Variants in C10orf90 observed in about 807,000 individuals in gnomAD.
The protein encoded by C10orf90 is chromosome 10 open reading frame 90, also known as (E2-independent) E3 ubiquitin-conjugating enzyme FATS.
C10orf90 carries 56 observed loss-of-function variants against 62.5 expected under a neutral mutation model. The ratio of observed to expected loss-of-function variants is 0.90; its 90% confidence interval spans 0.72 to 1.12. The LOEUF (loss-of-function observed/expected upper bound fraction) is 1.12, where lower values mean the gene tolerates loss of function less well. C10orf90 is among the 50% of genes most tolerant of loss of function. The pLI is 0.00. For missense variants in C10orf90, 970 were observed against 880.4 expected (o/e 1.10, Z -1.29); for synonymous variants, 386 against 340.4 (o/e 1.13, Z -1.47).
intron 2 of C10orf90, among the ~76,000 whole-genome samples, chr10:126,622,382 G>GA (rs1378452944): frequency 6.6e-6 from 1 of 152,124 alleles, no homozygotes; most frequent in Non-Finnish European, 1.5e-5. Context: ...CTGTGACCCA[G>GA]AAAAAAGCCT....
Position 126,530,489 on chromosome 10 carries a change from C to T in C10orf90, c.314-16550G>A, listed in dbSNP as rs149603170. Among the ~76,000 whole-genome samples, 1,250 of 151,202 alleles carry T rather than the reference C, an allele frequency of 8.3e-3. 11 individuals are homozygous for T. Among genetic ancestry groups the T allele is most frequent in the Non-Finnish European group, 0.013 (873 of 67,776 alleles). ...TAAATTCAACTTAGAAAAAAATATA[C>T]AAATTGCTTGAAAAAAAATACCTTA... On this transcript the variant is annotated intron_variant, in intron 2 of 9. Coordinates refer to ENST00000488181, the MANE Select transcript of C10orf90 (RefSeq NM_001350921.2).
chr10:126,528,259 T>G (rs1452406078), intron 2 of C10orf90, among the ~76,000 whole-genome samples: 1 of 152,110 alleles, frequency 6.6e-6, no homozygotes, highest in Non-Finnish European at 1.5e-5. Context: ...ATTTAGCATT[T>G]CCAGATATCT....
chr10:126,495,397 T>G (rs1446291785), intron 4 of C10orf90, among the ~76,000 whole-genome samples: 1 of 152,204 alleles, frequency 6.6e-6, no homozygotes, highest in Admixed American at 6.5e-5. Context: ...CACTCTCTGA[T>G]AAAACCCTTG....
At chr10:126,584,752 A>C (rs1445758689) in intron 2 of C10orf90, among the ~76,000 whole-genome samples, 8 of 152,040 alleles carry the variant, frequency 5.3e-5, no homozygotes, top group African/African-American at 1.9e-4. Context: ...TTGAGATACT[A>C]TCTCTCTTTA....
chr10:126,489,318 A>G (rs1159291594), intron 4 of C10orf90, among the ~76,000 whole-genome samples: 1 of 152,172 alleles, frequency 6.6e-6, no homozygotes, highest in Non-Finnish European at 1.5e-5. Flanking sequence ...TCAGTATTCA[A>G]CACCAATGCA....
chr10:126,590,581 A>C (rs923901132), intron 2 of C10orf90, among the ~76,000 whole-genome samples: 1 of 152,210 alleles, frequency 6.6e-6, no homozygotes, highest in Admixed American at 6.5e-5. Flanking sequence ...GTGCTCCTGA[A>C]TGACTGCTGG....
chr10:126,628,753 C>G (rs111539742), intron 2 of C10orf90, among the ~76,000 whole-genome samples: 1 of 152,228 alleles, frequency 6.6e-6, no homozygotes, highest in Admixed American at 6.5e-5. Context: ...CACTTGCCTG[C>G]CTGTCCTGTA....
chr10:126,541,284 T>C (rs1467315645), intron 2 of C10orf90, among the ~76,000 whole-genome samples: 2 of 152,098 alleles, frequency 1.3e-5, no homozygotes, highest in African/African-American at 4.8e-5. Flanking sequence ...TACAATGGGA[T>C]AATATATACT....
intron 7 of C10orf90, among the ~76,000 whole-genome samples, chr10:126,437,551 T>A (rs1222556448): frequency 2.0e-5 from 3 of 152,160 alleles, no homozygotes; most frequent in Non-Finnish European, 4.4e-5. Context: ...TTTGAGGCTT[T>A]GAGGAAGTAT....
intron 2 of C10orf90, among the ~76,000 whole-genome samples, chr10:126,617,264 A>G (rs947624855): frequency 6.6e-6 from 1 of 152,188 alleles, no homozygotes; most frequent in Non-Finnish European, 1.5e-5. Flanking sequence ...TTGGTCTCCA[A>G]CCAGAGCAGG....
chr10:126,532,994 G>T (rs760883012), intron 2 of C10orf90, among the ~76,000 whole-genome samples: 30 of 150,468 alleles, frequency 2.0e-4, no homozygotes, highest in Non-Finnish European at 4.0e-4. Context: ...GTGCAGTGGC[G>T]CTATCTCGGC....
chr10:126,448,017 C>CTTT (rs1186409126), intron 7 of C10orf90, among the ~76,000 whole-genome samples: 25 of 79,218 alleles, frequency 3.2e-4, no homozygotes, highest in Non-Finnish European at 5.0e-4. Context: ...ATGCCTGGCT[C>CTTT]TTTTTTTTTT....
intron 2 of C10orf90, among the ~76,000 whole-genome samples, chr10:126,611,828 C>T (rs559323490): frequency 6.6e-6 from 1 of 152,270 alleles, no homozygotes; most frequent in East Asian, 1.9e-4. Flanking sequence ...TCCAAGGGTA[C>T]ACAGTAGTTG....
At chr10:126,613,130 C>T (rs144741636) in intron 2 of C10orf90, among the ~76,000 whole-genome samples, 1 of 152,260 alleles carries the variant, frequency 6.6e-6, no homozygotes, top group African/African-American at 2.4e-5. Flanking sequence ...TTAAAGGGCT[C>T]TAGACTTATC....
At chr10:126,463,978 C>G (rs908441474) in intron 5 of C10orf90, among the ~76,000 whole-genome samples, 3 of 152,042 alleles carry the variant, frequency 2.0e-5, no homozygotes, top group Non-Finnish European at 4.4e-5. Context: ...ATTTTACAAC[C>G]CAAGCTGATA....
chr10:126,563,508 C>T (rs1253950173), intron 2 of C10orf90, among the ~76,000 whole-genome samples: 1 of 152,182 alleles, frequency 6.6e-6, no homozygotes, highest in Admixed American at 6.5e-5. Flanking sequence ...AACAAAAGGA[C>T]AATCACAGTC....
intron 2 of C10orf90, among the ~76,000 whole-genome samples, chr10:126,624,223 G>A (rs1475740862): frequency 6.6e-6 from 1 of 152,128 alleles, no homozygotes; most frequent in Non-Finnish European, 1.5e-5. Context: ...GCAGGTGCCT[G>A]TAGTCCCAGC....
chr10:126,504,496 G>A lies in C10orf90; in HGVS notation c.995C>T (p.Ser332Phe). 1 of 1,614,188 alleles carries A rather than the reference G, an allele frequency of 6.2e-7. No individual in the cohort carries two copies. Among genetic ancestry groups the A allele is most frequent in the Middle Eastern group, 1.6e-4 (1 of 6,062 alleles). ...CTTTCCTGACAGTGGGGTGTCTGGA[G>A]AAAAACTGGTCTCTTTGTCGTCTGC... is the stretch of plus-strand genomic sequence containing the variant. ...THADDKETSFSPDTPLSGKSP... is the reference protein window; with the variant it reads ...THADDKETSFFPDTPLSGKSP... The change falls in exon 4 of 10, where the codon TCT becomes TTT. Residue 332 changes from serine (S) to phenylalanine (F), a missense_variant. Coordinates refer to ENST00000488181, the MANE Select transcript of C10orf90 (RefSeq NM_001350921.2). The surrounding 1 kb of genome is among the most constrained non-coding windows in gnomAD (Gnocchi z 4.1).
chr10:126,503,109 G>A (rs1438866523), intron 4 of C10orf90, among the ~76,000 whole-genome samples: 1 of 152,134 alleles, frequency 6.6e-6, no homozygotes, highest in Admixed American at 6.5e-5. Context: ...CAAATAGAAA[G>A]TAATTCATAA....
Sources: gnomAD v4.1 joint callset for allele counts (sites outside exome capture counted in the v4.1 genomes callset) on GRCh38, gnomAD v4.1.1 for gene constraint, Gnocchi (gnomAD v3.1) non-coding constraint, MANE v1.5 for transcripts, NCBI Gene and HGNC (gene_info 2026-07-23, HGNC 2026-07-21) for gene names.